RARS2: variants seen among roughly 807,000 people sequenced by gnomAD.
The protein encoded by RARS2 is probable arginine--tRNA ligase, mitochondrial.
In RARS2, 67 loss-of-function variants were observed where a neutral mutation model predicts 88.5. That is an observed-to-expected ratio of 0.76 (90% CI 0.62 to 0.93). RARS2 has a LOEUF of 0.93. Among genes scored for constraint, RARS2 ranks in the 40% least tolerant of loss-of-function variants. The pLI is 0.00. For missense variants in RARS2, 664 were observed against 684.2 expected, an observed-to-expected ratio of 0.97 and a Z score of 0.33; for synonymous variants, 239 against 230.3, an observed-to-expected ratio of 1.04 and a Z score of -0.34.
At chr6:87,520,316 G>C in intron 12 of RARS2, 60 bp from the exon 13 acceptor site, 1 of 1,325,746 alleles carries the variant, frequency 7.5e-7, no homozygotes, top group Non-Finnish European at 1.1e-6. Flanking sequence ...ATAAAAATAG[G>C]TTGGACTTGA....
chr6:87,569,827 G>A (rs1476759507), intron 1 of RARS2, among the ~76,000 whole-genome samples: 2 of 151,638 alleles, frequency 1.3e-5, no homozygotes, highest in African/African-American at 4.8e-5. Context: ...CAAGGGTTAA[G>A]GGGAGGATTT....
intron 8 of RARS2, among the ~76,000 whole-genome samples, chr6:87,536,129 T>C (rs1415338260): frequency 6.7e-6 from 1 of 149,810 alleles, no homozygotes. Context: ...CAATATGCAA[T>C]GAGTCAAGTT....
At chr6:87,547,386 T>C (rs1011133719) in intron 6 of RARS2, among the ~76,000 whole-genome samples, 1 of 152,198 alleles carries the variant, frequency 6.6e-6, no homozygotes. Context: ...TCTCCAATTC[T>C]GAAAAGTATT....
Position 87,524,558 on chromosome 6 carries a change from T to G in RARS2, c.973A>C (p.Arg325=). ...TTGACCCTCACAGAGGCTACAAACC[T>G]GGTTGCATAGAGAGAAGTCCCATCA... ...RSDGTSLYAT[R]DLAAAIDRMD... Residue 325 remains arginine (R), a splice_region_variant and synonymous_variant, in exon 11 of 20, where the codon AGA becomes CGA. Coordinates refer to ENST00000369536, the MANE Select transcript of RARS2 (RefSeq NM_020320.5). 1 of 1,604,598 alleles carries G rather than the reference T, an allele frequency of 6.2e-7. No individual in the cohort carries two copies. The highest frequency in any genetic ancestry group is 8.5e-7 in the Non-Finnish European group (1 of 1,171,412).
chr6:87,588,888 A>G (rs1307589231), intron 1 of RARS2, among the ~76,000 whole-genome samples: 1 of 152,232 alleles, frequency 6.6e-6, no homozygotes, highest in East Asian at 1.9e-4. Context: ...AGTTTAATAC[A>G]CTACCAAAGC....
chr6:87,518,605 A>C lies in RARS2; in HGVS notation c.1415+25T>G, dbSNP rs1321746726. 1.9e-6 allele frequency: 3 copies of C among 1,586,486 alleles called. No individual in the cohort carries two copies. In the East Asian group the frequency reaches 6.7e-5, roughly 35 times the overall value. ...GCCTAAGTAAGCACAGTGCAGCACA[A>C]GGTTTCCCTGCAGCCTCTTCTCACC... is the stretch of plus-strand genomic sequence containing the variant. On this transcript the variant is annotated intron_variant, in intron 16 of 19. Transcript: ENST00000369536.
intron 2 of RARS2, among the ~76,000 whole-genome samples, chr6:87,565,483 T>C (rs76870827): frequency 0.037 from 5,702 of 152,182 alleles, 351 homozygotes; most frequent in African/African-American, 0.13. Flanking sequence ...GGAAGCAGGG[T>C]AGGGAATGCA....
Position 87,555,477 on chromosome 6 carries a change from C to A in RARS2, c.326G>T (p.Gly109Val). Residue 109 changes from glycine (G) to valine (V), a missense_variant, in exon 5 of 20, where the codon GGC (glycine) becomes GTC (valine). By Grantham distance (109) the Gly-to-Val change is moderately radical. Coordinates refer to ENST00000369536, the MANE Select transcript of RARS2 (RefSeq NM_020320.5). The stretch of plus-strand genomic sequence containing the variant: ...TTCACTTTTTAATCCATATTTTGAG[C>A]CATCTTCAATTACTTGTTGTAGCAC... The part of the protein sequence containing the change: ...KTVLQQVIED[G>V]SKYGLKSELF... 6.2e-7 allele frequency: 1 copy of A among 1,613,554 alleles called. No homozygotes were observed. Among genetic ancestry groups the A allele is most frequent in the Non-Finnish European group, 8.5e-7 (1 of 1,179,628 alleles).
chr6:87,566,695 A>G (rs994297097), intron 2 of RARS2, among the ~76,000 whole-genome samples: 6 of 151,782 alleles, frequency 4.0e-5, no homozygotes, highest in African/African-American at 1.5e-4. Flanking sequence ...AAATTTAAAA[A>G]ATTAGCCAAG....
intron 4 of RARS2, among the ~76,000 whole-genome samples, chr6:87,561,973 TTTTTA>T (rs1787974942): frequency 6.6e-6 from 1 of 152,196 alleles, no homozygotes; most frequent in African/African-American, 2.4e-5. Flanking sequence ...GCCATTGAAA[TTTTTA>T]TTTTGAGACA....
chr6:87,518,622 C>G lies in RARS2; in HGVS notation c.1415+8G>C. 1 of 1,606,954 alleles carries G rather than the reference C, an allele frequency of 6.2e-7. No homozygotes were observed. The highest frequency in any genetic ancestry group is 8.5e-7 in the Non-Finnish European group (1 of 1,173,756). On this transcript the variant is annotated splice_region_variant and intron_variant, in intron 16 of 19. Coordinates refer to ENST00000369536, the MANE Select transcript of RARS2 (RefSeq NM_020320.5). ...GCAGCACAAGGTTTCCCTGCAGCCT[C>G]TTCTCACCTGTGGAGGCGGGCGTGT...
intron 4 of RARS2, 44 bp from the exon 5 acceptor site, chr6:87,555,549 G>A: frequency 7.2e-7 from 1 of 1,382,330 alleles, no homozygotes; most frequent in South Asian, 1.2e-5. Flanking sequence ...AAATTACAAT[G>A]CTTTTAATTA....
At chr6:87,517,746 T>G (rs1028737515) in intron 17 of RARS2, among the ~76,000 whole-genome samples, 9 of 152,162 alleles carry the variant, frequency 5.9e-5, no homozygotes, top group Admixed American at 2.0e-4. Context: ...CATACATATA[T>G]GTATTTGAGA....
intron 8 of RARS2, among the ~76,000 whole-genome samples, chr6:87,531,370 A>G (rs561906628): frequency 7.9e-5 from 12 of 152,346 alleles, no homozygotes; most frequent in African/African-American, 2.9e-4. Flanking sequence ...TCAAAATGCC[A>G]TATTATTATC....
chr6:87,514,304 T>TC lies in RARS2; in HGVS notation c.*108dup. 1.5e-5 allele frequency: 10 copies of TC among 663,368 alleles called. No individual in the cohort carries two copies. In the South Asian group the frequency reaches 1.7e-4, roughly 11 times the overall value. 41.1% of individuals were successfully genotyped at this position (663,368 alleles called of 1,614,324 possible). A position where few individuals can be genotyped will look rare whatever the true frequency, so the allele number is the denominator to read the frequency against. On this transcript the variant is annotated 3_prime_UTR_variant, in exon 20 of 20. Transcript: ENST00000369536. ...CCAGCCTGGGCAACAAGAGCGAAAC[T>TC]CCATCTCAAAAAAAAAAAAAAAAAA... is the stretch of plus-strand genomic sequence containing the variant.
chr6:87,522,244 C>T (rs1359085002), intron 11 of RARS2, among the ~76,000 whole-genome samples: 1 of 150,274 alleles, frequency 6.7e-6, no homozygotes, highest in Non-Finnish European at 1.5e-5. Flanking sequence ...GCAGGAGAAT[C>T]GCTTGAACCT....
At chr6:87,575,225 G>GAACACA (rs1771037880) in intron 1 of RARS2, among the ~76,000 whole-genome samples, 1 of 114,564 alleles carries the variant, frequency 8.7e-6, no homozygotes. Context: ...AAAATAGAAA[G>GAACACA]CACACACACA....
chr6:87,574,060 G>A (rs1006111008), intron 1 of RARS2, among the ~76,000 whole-genome samples: 2 of 152,142 alleles, frequency 1.3e-5, no homozygotes, highest in Admixed American at 6.5e-5. Flanking sequence ...TTTCCCTCTT[G>A]CAACTAAGAG....
intron 1 of RARS2, among the ~76,000 whole-genome samples, chr6:87,574,532 G>T (rs1227039018): frequency 6.6e-6 from 1 of 152,126 alleles, no homozygotes; most frequent in African/African-American, 2.4e-5. Context: ...AAAAGAACAG[G>T]CATCACCAAT....
Sources: allele counts gnomAD v4.1 joint callset (sites outside exome capture counted in the v4.1 genomes callset), GRCh38; gene constraint gnomAD v4.1.1; transcripts MANE v1.5; gene names NCBI Gene and HGNC (gene_info 2026-07-23, HGNC 2026-07-21).